The following ITPR3 variants were observed in gnomAD, a reference collection of about 807,000 sequenced individuals.
ITPR3 encodes inositol 1,4,5-trisphosphate-gated calcium channel ITPR3.
In ITPR3, 173 loss-of-function variants were observed where a neutral mutation model predicts 293.2. That is an observed-to-expected ratio of 0.59 (90% confidence interval 0.52 to 0.67). The LOEUF (loss-of-function observed/expected upper bound fraction) is 0.67. Ranked by LOEUF, ITPR3 falls within the 30% of genes least tolerant of loss-of-function variation. The pLI is 0.00. For missense variants in ITPR3, 2,796 were observed against 3,592.1 expected (o/e 0.78, Z 5.66); for synonymous variants, 1,295 against 1,444.4 (o/e 0.90, Z 2.35).
intron 2 of ITPR3, among the ~76,000 whole-genome samples, chr6:33,652,465 A>AT (rs1240865552): frequency 6.6e-6 from 1 of 152,056 alleles, no homozygotes; most frequent in East Asian, 1.9e-4. Flanking sequence ...CCATATTTTT[A>AT]TTTTTTATTT....
Position 33,682,486 on chromosome 6 carries a change from G to C in ITPR3, c.4477-38G>C, listed in dbSNP as rs775243550. Reference sequence around the variant, plus strand: ...GGACCTGGGGTTGCCCAGGGTGGGGGCCTGGGCTGCAGCAGCGGGCTCTGT... The same window carrying C: ...GGACCTGGGGTTGCCCAGGGTGGGGCCCTGGGCTGCAGCAGCGGGCTCTGT... On this transcript the variant is annotated intron_variant, in intron 33 of 57. Transcript: ENST00000605930. The surrounding 1 kb of genome is among the most constrained non-coding windows in gnomAD (Gnocchi z 5.4). The C allele has an allele frequency of 6.7e-6, 10 of 1,487,736 alleles. No homozygotes were observed. The highest frequency in any genetic ancestry group is 8.9e-6 in the Non-Finnish European group (10 of 1,117,974). The allele number at this position is 1,487,736 out of a possible 1,614,324, so 92.2% of individuals were successfully genotyped here.
chr6:33,641,869 C>G (rs73408213), intron 2 of ITPR3, among the ~76,000 whole-genome samples: 2,937 of 152,280 alleles, frequency 0.019, 62 homozygotes, highest in East Asian at 0.12. Context: ...CCACTCAATA[C>G]AAAATCGCAC....
At position 33,683,344 on chromosome 6, in the gene ITPR3, G is replaced by C; in HGVS notation, c.4735G>C (p.Val1579Leu). 6.3e-7 allele frequency: 1 copy of C among 1,595,938 alleles called. No homozygotes were observed. Among genetic ancestry groups the C allele is most frequent in the South Asian group, 1.1e-5 (1 of 87,872 alleles). ...YKATTRAFPR[V>L]TPTANQWDYK... ...GGCAACCACGCGGGCCTTCCCCCGC[G>C]TCACCCCCACCGCCAACCAGTGGGA... is the stretch of plus-strand genomic sequence containing the variant. Residue 1579 changes from valine (V) to leucine (L), a missense_variant, in exon 35 of 58, where the codon GTC becomes CTC. Physicochemically the swap from Val to Leu is conservative, Grantham distance 32. Around this residue, in one of 8 missense-constraint regions of ITPR3, gnomAD observed 704 missense variants for 797.5 expected, o/e 0.88. Coordinates refer to ENST00000605930, the MANE Select transcript of ITPR3 (RefSeq NM_002224.4). The surrounding 1 kb of genome is among the most constrained non-coding windows in gnomAD (Gnocchi z 4.5).
chr6:33,623,081 C>A lies in ITPR3; in HGVS notation c.89+1390C>A, dbSNP rs536954352. Among the ~76,000 whole-genome samples, 5 of 152,224 alleles carry A rather than the reference C, an allele frequency of 3.3e-5. No homozygotes were observed. The South Asian group carries it at 6.2e-4, about 19-fold the overall frequency. The stretch of plus-strand genomic sequence containing the variant: ...ATTTGTGCAGGCCTCCTCCAGAGAG[C>A]AGTGACTAGGCCCTGGCTGCCCTGA... On this transcript the variant is annotated intron_variant, in intron 1 of 57. Coordinates refer to ENST00000605930, the MANE Select transcript of ITPR3 (RefSeq NM_002224.4).
At chr6:33,695,477 G>A (rs1765517511) in intron 57 of ITPR3, 1 of 581,262 alleles carries the variant, frequency 1.7e-6, no homozygotes, top group African/African-American at 1.9e-5. Flanking sequence ...GCCTCTGTTA[G>A]TGGGCTGGTT....
intron 21 of ITPR3, 29 bp from the exon 22 acceptor site, chr6:33,672,000 G>T (rs760337990): frequency 1.9e-6 from 3 of 1,571,034 alleles, no homozygotes; most frequent in Non-Finnish European, 2.6e-6. Flanking sequence ...CAACCTCCTT[G>T]GCAACCTCCT....
At chr6:33,649,612 G>A (rs1172603674) in intron 2 of ITPR3, among the ~76,000 whole-genome samples, 1 of 152,228 alleles carries the variant, frequency 6.6e-6, no homozygotes, top group Non-Finnish European at 1.5e-5. Context: ...TGTTCTATAG[G>A]TTGAGTCTAA....
chr6:33,632,561 G>A lies in ITPR3; in HGVS notation c.90-7923G>A, dbSNP rs1287874690. 6.6e-6 allele frequency among the ~76,000 whole-genome samples: 1 copy of A among 152,142 alleles called. No homozygotes were observed. The highest frequency in any genetic ancestry group is 2.4e-5 in the African/African-American group (1 of 41,416). On this transcript the variant is annotated intron_variant, in intron 1 of 57. Transcript: ENST00000605930. This position sits in a 1 kb window ranked among gnomAD's most constrained non-coding sequence, Gnocchi z 4.1. ...AAGGTCTTGGGGTGTAGACCCCGTG[G>A]GCATTTCAGGGACTGTGCCCTCCTG...
rs763183609 is a variant in ITPR3, at chr6:33,684,031, A to G, written c.4800A>G (p.Thr1600=). Residue 1600 remains threonine, a synonymous_variant, in exon 36 of 58, where the codon ACA becomes ACG. Transcript: ENST00000605930. The surrounding 1 kb of genome is among the most constrained non-coding windows in gnomAD (Gnocchi z 4.2). ...CCTGCCCACCCCAGGACATCATCACAGCCCTGGAGGAGCGGCTGAAGCCCC... is the reference window on the plus strand; with the variant it reads ...CCTGCCCACCCCAGGACATCATCACGGCCCTGGAGGAGCGGCTGAAGCCCC... ...NIIEKLQDII[T]ALEERLKPLV... The G allele has an allele frequency of 4.4e-6, 7 of 1,607,490 alleles. No homozygotes were observed. Among genetic ancestry groups the G allele is most frequent in the Admixed American group, 3.3e-5 (2 of 59,852 alleles).
Position 33,658,877 on chromosome 6 carries a change from C to T in ITPR3, c.528+49C>T, listed in dbSNP as rs765795248. 6 of 1,609,844 alleles carry T rather than the reference C, an allele frequency of 3.7e-6. No individual in the cohort carries two copies. The South Asian group carries it at 6.6e-5, about 18-fold the overall frequency. The stretch of plus-strand genomic sequence containing the variant: ...GGGGCCTGGTGGAACTCCCGAGGGG[C>T]TTCTGTAGGGTCTTCGGTGTGGGGA... On this transcript the variant is annotated intron_variant, in intron 5 of 57. Transcript: ENST00000605930. This position sits in a 1 kb window ranked among gnomAD's most constrained non-coding sequence, Gnocchi z 6.1.
chr6:33,642,360 A>G (rs1421799471), intron 2 of ITPR3, among the ~76,000 whole-genome samples: 1 of 151,946 alleles, frequency 6.6e-6, no homozygotes, highest in Non-Finnish European at 1.5e-5. Flanking sequence ...CTAGATTGCC[A>G]TCTAGTAGGA....
rs1395077627 is a variant in ITPR3, at chr6:33,682,659, G to A, written c.4597+15G>A. On this transcript the variant is annotated intron_variant, in intron 34 of 57. Transcript: ENST00000605930. The surrounding 1 kb of genome is among the most constrained non-coding windows in gnomAD (Gnocchi z 5.4). ...CGCCATGGTGGGTGAGTGTGCCGGG[G>A]CACTGGCCAGCCCCAAACCACTCCT... The A allele has an allele frequency of 7.6e-6, 12 of 1,589,014 alleles. No individual in the cohort carries two copies. Among genetic ancestry groups the A allele is most frequent in the Non-Finnish European group, 1.0e-5 (12 of 1,170,134 alleles).
chr6:33,661,145 A>C (rs6908236), intron 7 of ITPR3, among the ~76,000 whole-genome samples: 69,771 of 152,038 alleles, frequency 0.46, 16,299 homozygotes, highest in Non-Finnish European at 0.51. Flanking sequence ...GTTCTGCCAT[A>C]GTAACTGACC....
intron 2 of ITPR3, among the ~76,000 whole-genome samples, chr6:33,645,437 A>G (rs941695487): frequency 2.6e-5 from 4 of 152,232 alleles, no homozygotes; most frequent in East Asian, 1.9e-4. Flanking sequence ...TTTAATTGCA[A>G]TGTTGCATTC....
At chr6:33,660,511 T>TCTCC (rs1225956143) in intron 7 of ITPR3, among the ~76,000 whole-genome samples, 5 of 151,978 alleles carry the variant, frequency 3.3e-5, no homozygotes, top group Admixed American at 2.0e-4. Context: ...CCCAATGCCT[T>TCTCC]CTCCCTCCCT....
intron 2 of ITPR3, among the ~76,000 whole-genome samples, chr6:33,643,488 C>T (rs1763995169): frequency 6.6e-6 from 1 of 152,256 alleles, no homozygotes; most frequent in Non-Finnish European, 1.5e-5. Flanking sequence ...CTGCTGATGC[C>T]CTGCTATGTG....
In ITPR3 at chr6:33,690,071, G is replaced by T; in HGVS notation, c.6905G>T (p.Gly2302Val). The T allele has an allele frequency of 6.2e-7, 1 of 1,614,208 alleles. No individual in the cohort carries two copies. ...NKIVFVVSFV[G>V]NRGTFIRGYK... ...ATCGTGTTTGTGGTGAGCTTCGTGG[G>T]CAACCGTGGCACCTTCATCCGGGGC... The change falls in exon 51 of 58, where the codon GGC (glycine) becomes GTC (valine). Residue 2302 changes from glycine (G) to valine (V), a missense_variant. Gly to Val is a moderately radical substitution (Grantham distance 109). Transcript: ENST00000605930.
intron 51 of ITPR3, 41 bp downstream of exon 51, chr6:33,690,239 G>A (rs762116236): frequency 1.3e-6 from 2 of 1,569,730 alleles, no homozygotes; most frequent in Non-Finnish European, 1.7e-6. Flanking sequence ...TGGGGGCATG[G>A]GGTGGTTGGG....
rs888523560 is a variant in ITPR3 at position 33,692,007 on chromosome 6, TGGCCTC to T, written c.7458+81_7458+86del. ...CAGCAACTGTGGAGAGTCCTGTCCT[TGGCCTC>T]GCGTCAGATATTCAGGGTTGAACCC... On this transcript the variant is annotated intron_variant, in intron 54 of 57. Coordinates refer to ENST00000605930, the MANE Select transcript of ITPR3 (RefSeq NM_002224.4). The surrounding 1 kb of genome is among the most constrained non-coding windows in gnomAD (Gnocchi z 4.2). The T allele has an allele frequency of 1.3e-6, 2 of 1,579,866 alleles. No homozygotes were observed. The highest frequency in any genetic ancestry group is 1.7e-6 in the Non-Finnish European group (2 of 1,155,102).
Sources: allele counts gnomAD v4.1 joint callset (sites outside exome capture counted in the v4.1 genomes callset), GRCh38; gene constraint gnomAD v4.1.1; regional missense constraint gnomAD v4.1.1; non-coding constraint Gnocchi (gnomAD v3.1); transcripts MANE v1.5; gene names NCBI Gene and HGNC (gene_info 2026-07-23, HGNC 2026-07-21).